BCAT2: variants seen among roughly 807,000 people sequenced by gnomAD.
The protein encoded by BCAT2 is branched chain amino acid transaminase 2.
In BCAT2, 44 loss-of-function variants were observed where a neutral mutation model predicts 52.9. The observed-to-expected ratio is 0.83, with a 90% confidence interval of 0.65 to 1.07. The LOEUF is 1.07. Ranked by LOEUF, BCAT2 falls within the 50% of genes least tolerant of loss-of-function variation. BCAT2 has a pLI of 0.00. For missense variants in BCAT2, 478 were observed against 521.8 expected (o/e 0.92, Z 0.82); for synonymous variants, 215 against 217.1 (o/e 0.99, Z 0.08).
chr19:48,800,253 C>CA lies in BCAT2; in HGVS notation c.344dup (p.Arg116AlafsTer135). On this transcript the variant is annotated frameshift_variant, in exon 4 of 11. Coordinates refer to ENST00000316273, the MANE Select transcript of BCAT2 (RefSeq NM_001190.4). LOFTEE classifies it high-confidence loss of function. ...TGTTGAGCCAGGGGCGGAAGAGGCG[C>CA]ACCTGCTGGTCTTTGCCTTTGAACG... 1 of 1,613,880 alleles carries CA rather than the reference C, an allele frequency of 6.2e-7. No individual in the cohort carries two copies. The highest frequency in any genetic ancestry group is 8.5e-7 in the Non-Finnish European group (1 of 1,180,032).
chr19:48,805,071 C>G (rs370780144), intron 3 of BCAT2, among the ~76,000 whole-genome samples: 12 of 152,220 alleles, frequency 7.9e-5, no homozygotes, highest in African/African-American at 2.2e-4. Context: ...GTCTTCATGC[C>G]ACAGAACTGT....
chr19:48,806,802 AC>A, intron 2 of BCAT2, 85 bp from the exon 3 acceptor site: 1 of 1,521,982 alleles, frequency 6.6e-7, no homozygotes. Flanking sequence ...TGGGCCTCAG[AC>A]CCATAGAGAA....
intron 3 of BCAT2, among the ~76,000 whole-genome samples, chr19:48,801,763 A>G (rs2034662270): frequency 6.6e-6 from 1 of 151,832 alleles, no homozygotes; most frequent in Admixed American, 6.6e-5. Context: ...CAACCTCCCA[A>G]GTAGCTGGGA....
At chr19:48,796,345 G>A (rs2034515187) in intron 10 of BCAT2, 83 bp downstream of exon 10, 1 of 1,525,074 alleles carries the variant, frequency 6.6e-7, no homozygotes, top group Non-Finnish European at 9.1e-7. Context: ...GAAGGAGGCT[G>A]GCTGTTAGTC....
At chr19:48,801,637 G>A (rs1172098755) in intron 3 of BCAT2, among the ~76,000 whole-genome samples, 2 of 151,800 alleles carry the variant, frequency 1.3e-5, no homozygotes, top group African/African-American at 2.4e-5. Context: ...TCTTGGATTG[G>A]GAATTTTATT....
chr19:48,795,940 C>T (rs891769536), intron 10 of BCAT2: 6 of 257,726 alleles, frequency 2.3e-5, no homozygotes, highest in Admixed American at 4.9e-5. Flanking sequence ...AAGCTTTCTC[C>T]GGCCAAAGGG....
chr19:48,809,509 C>T (rs749447817), intron 1 of BCAT2, among the ~76,000 whole-genome samples: 20 of 151,828 alleles, frequency 1.3e-4, no homozygotes, highest in Non-Finnish European at 2.2e-4. Flanking sequence ...GACCCCATCA[C>T]GTCTAGAACT....
Position 48,810,981 on chromosome 19 carries a change from C to T in BCAT2, c.24+3G>A, listed in dbSNP as rs2034910699. 6.2e-7 allele frequency: 1 copy of T among 1,608,472 alleles called. No individual in the cohort carries two copies. Among genetic ancestry groups the T allele is most frequent in the Non-Finnish European group, 8.5e-7 (1 of 1,178,206 alleles). On this transcript the variant is annotated splice_donor_region_variant and intron_variant, in intron 1 of 10. Transcript: ENST00000316273. ...AGACCCCGGCGCGGGGCTGCGAACCCACCTGCCCCAGAGCGGCTGCGGCCA... is the reference window on the plus strand; with the variant it reads ...AGACCCCGGCGCGGGGCTGCGAACCTACCTGCCCCAGAGCGGCTGCGGCCA...
At chr19:48,809,966 C>T (rs1366562411) in intron 1 of BCAT2, among the ~76,000 whole-genome samples, 1 of 152,042 alleles carries the variant, frequency 6.6e-6, no homozygotes, top group Non-Finnish European at 1.5e-5. Flanking sequence ...TCATCAGAGC[C>T]TAGGAATGTC....
At position 48,803,421 on chromosome 19, in the gene BCAT2, G is replaced by A. The variant is rs560688220; in HGVS notation, c.300+3096C>T. On this transcript the variant is annotated intron_variant, in intron 3 of 10. Coordinates refer to ENST00000316273, the MANE Select transcript of BCAT2 (RefSeq NM_001190.4). ...TGCACACCTGCAGTCCCAGCTACTT[G>A]GAAGGCTGACGCAGGTGGATCGCTG... Among the ~76,000 whole-genome samples, 10 of 152,212 alleles carry A rather than the reference G, an allele frequency of 6.6e-5. No individual in the cohort carries two copies. In the East Asian group the frequency reaches 1.2e-3, roughly 18 times the overall value.
intron 3 of BCAT2, among the ~76,000 whole-genome samples, chr19:48,801,822 A>G (rs896438846): frequency 6.6e-6 from 1 of 152,058 alleles, no homozygotes; most frequent in Non-Finnish European, 1.5e-5. Flanking sequence ...TTTTTGGTAG[A>G]GACGGGGTTT....
At chr19:48,795,492 G>A (rs1034905255) in intron 10 of BCAT2, 28 bp from the exon 11 acceptor site, 19 of 1,612,772 alleles carry the variant, frequency 1.2e-5, no homozygotes, top group Admixed American at 6.7e-5. Flanking sequence ...CAGTGCGTGA[G>A]GTGGAAGCTG....
intron 3 of BCAT2, among the ~76,000 whole-genome samples, chr19:48,801,425 CAG>C (rs2034655900): frequency 6.6e-6 from 1 of 152,076 alleles, no homozygotes; most frequent in African/African-American, 2.4e-5. Flanking sequence ...ATACTTAAAA[CAG>C]AGTGACACTG....
chr19:48,807,100 G>T lies in BCAT2; in HGVS notation c.25-26C>A, dbSNP rs377375515. The T allele has an allele frequency of 3.2e-5, 51 of 1,594,970 alleles. No individual in the cohort carries two copies. The African/African-American group carries it at 6.4e-4, about 20-fold the overall frequency. On this transcript the variant is annotated intron_variant, in intron 1 of 10. Transcript: ENST00000316273. The surrounding 1 kb of genome is among the most constrained non-coding windows in gnomAD (Gnocchi z 4.6). ...CTGGGTGGAGAAAGAAGTGAGAGAG[G>T]GGGTGAGTGGGGCACAGCAGGGGCC... is the stretch of plus-strand genomic sequence containing the variant.
chr19:48,796,431 G>T lies in BCAT2; in HGVS notation c.1137C>A (p.Ile379=), dbSNP rs980319890. 2 of 1,614,142 alleles carry T rather than the reference G, an allele frequency of 1.2e-6. No homozygotes were observed. The highest frequency in any genetic ancestry group is 1.1e-5 in the South Asian group (1 of 91,088). ...ILRFQKELKE[I]QYGIRAHEWM... is the part of the protein sequence containing the mutation. The stretch of plus-strand genomic sequence containing the variant: ...TCCCCAGCTCCCTGCAGCTCACCTG[G>T]ATCTCCTTCAGCTCCTTCTGGAAGC... The change falls in exon 10 of 11, where the codon ATC becomes ATA. Residue 379 remains isoleucine (I), a synonymous_variant. Coordinates refer to ENST00000316273, the MANE Select transcript of BCAT2 (RefSeq NM_001190.4).
chr19:48,795,514 C>G, intron 10 of BCAT2, 50 bp from the exon 11 acceptor site: 2 of 1,606,674 alleles, frequency 1.2e-6, no homozygotes. Flanking sequence ...ACTACAACTC[C>G]CAGTAGGCCC....
Position 48,795,245 on chromosome 19 carries a change from A to G in BCAT2, c.*181T>C. The G allele has an allele frequency of 5.6e-6, 4 of 714,668 alleles. No individual in the cohort carries two copies. Among genetic ancestry groups the G allele is most frequent in the Non-Finnish European group, 7.1e-6 (3 of 424,138 alleles). The allele number at this position is 714,668 out of a possible 1,614,324, so 44.3% of individuals were successfully genotyped here. On this transcript the variant is annotated 3_prime_UTR_variant, in exon 11 of 11. Coordinates refer to ENST00000316273, the MANE Select transcript of BCAT2 (RefSeq NM_001190.4). ...CCGCGACGAGGGGCTGGGGGCCAAGATGCCTGGGTCGGCCCTTACGGCTTT... is the reference window on the plus strand; with the variant it reads ...CCGCGACGAGGGGCTGGGGGCCAAGGTGCCTGGGTCGGCCCTTACGGCTTT...
Position 48,795,582 on chromosome 19 carries a change from T to C in BCAT2, c.1141-118A>G, listed in dbSNP as rs7257533. 5,673 of 1,186,972 alleles carry C rather than the reference T, an allele frequency of 4.8e-3. 179 individuals carry two copies. In the African/African-American group the frequency reaches 0.077, roughly 16 times the overall value. The allele number at this position is 1,186,972 out of a possible 1,614,324, so 73.5% of individuals were successfully genotyped here. A position where few individuals can be genotyped will look rare whatever the true frequency, so the allele number is the denominator to read the frequency against. On this transcript the variant is annotated intron_variant, in intron 10 of 10. Coordinates refer to ENST00000316273, the MANE Select transcript of BCAT2 (RefSeq NM_001190.4). ...GTGCCCCAGCGGCTCACGGGAAATGTAGTCCACTTCCCAGAGGGCCCCAAC... is the reference window on the plus strand; with the variant it reads ...GTGCCCCAGCGGCTCACGGGAAATGCAGTCCACTTCCCAGAGGGCCCCAAC...
chr19:48,801,433 C>G (rs2034656113), intron 3 of BCAT2, among the ~76,000 whole-genome samples: 1 of 152,198 alleles, frequency 6.6e-6, no homozygotes, highest in African/African-American at 2.4e-5. Context: ...AACAGAGTGA[C>G]ACTGCTATAT....
Sources: gnomAD v4.1 joint callset for allele counts (sites outside exome capture counted in the v4.1 genomes callset) on GRCh38, gnomAD v4.1.1 for gene constraint, Gnocchi (gnomAD v3.1) non-coding constraint, MANE v1.5 for transcripts, NCBI Gene and HGNC (gene_info 2026-07-23, HGNC 2026-07-21) for gene names.